Variants in USH2A observed in about 807,000 individuals in gnomAD.
USH2A encodes usherin, also known as Usher syndrome 2A (autosomal recessive, mild).
A neutral mutation model predicts 538.9 loss-of-function variants in USH2A; 443 were observed. The ratio of observed to expected loss-of-function variants is 0.82; its 90% CI spans 0.76 to 0.89. USH2A has a LOEUF of 0.89. Ranked by LOEUF, USH2A falls within the 40% of genes least tolerant of loss-of-function variation. The probability of loss-of-function intolerance (pLI) is 0.00; values close to 1 mark genes in which losing one functional copy is unlikely to be tolerated. For synonymous variants in USH2A, 2,413 were observed against 2,273.5 expected (o/e 1.06, Z -1.75); for missense variants, 6,633 against 6,324.8 (o/e 1.05, Z -1.65).
At chr1:215,735,552 C>A (rs375475805) in intron 60 of USH2A, among the ~76,000 whole-genome samples, 4 of 151,946 alleles carry the variant, frequency 2.6e-5, no homozygotes. Context: ...CTTTACTAGA[C>A]CATATGATGT....
chr1:216,210,822 A>G (rs985372475), intron 15 of USH2A, among the ~76,000 whole-genome samples: 1 of 152,048 alleles, frequency 6.6e-6, no homozygotes, highest in Non-Finnish European at 1.5e-5. Context: ...CTCTACTAAA[A>G]ATACAAAAAT....
chr1:215,965,516 A>G (rs202108003), intron 36 of USH2A, 37 bp from the exon 37 acceptor site: 56 of 1,609,774 alleles, frequency 3.5e-5, no homozygotes, highest in Non-Finnish European at 4.4e-5. Context: ...GTTTGCAAAT[A>G]AAATAAGTAC....
chr1:216,348,988 G>A (rs1030025025), intron 4 of USH2A, among the ~76,000 whole-genome samples: 1 of 152,150 alleles, frequency 6.6e-6, no homozygotes, highest in Non-Finnish European at 1.5e-5. Context: ...TTCATGGAAA[G>A]TCTTCTAATT....
At chr1:216,312,718 A>G (rs2037443889) in intron 9 of USH2A, among the ~76,000 whole-genome samples, 2 of 152,098 alleles carry the variant, frequency 1.3e-5, no homozygotes, top group Non-Finnish European at 2.9e-5. Context: ...TAGAGCCTTT[A>G]GTGTATTCAT....
chr1:215,999,548 T>C (rs1185388726), intron 33 of USH2A, among the ~76,000 whole-genome samples: 1 of 152,162 alleles, frequency 6.6e-6, no homozygotes, highest in African/African-American at 2.4e-5. Flanking sequence ...TAAGATTTTA[T>C]TCTTAACAGA....
At chr1:215,819,800 T>A (rs1438500352) in intron 47 of USH2A, among the ~76,000 whole-genome samples, 1 of 151,750 alleles carries the variant, frequency 6.6e-6, no homozygotes, top group African/African-American at 2.4e-5. Context: ...ATGAACAGTT[T>A]GCTTTTGAGG....
At chr1:215,666,523 C>G (rs1657609163) in intron 64 of USH2A, among the ~76,000 whole-genome samples, 2 of 152,174 alleles carry the variant, frequency 1.3e-5, no homozygotes, top group South Asian at 4.1e-4. Flanking sequence ...TCAACTCTGG[C>G]TGCACATGAG....
chr1:215,857,947 G>T (rs547717100), intron 44 of USH2A, among the ~76,000 whole-genome samples: 1 of 152,270 alleles, frequency 6.6e-6, no homozygotes, highest in East Asian at 1.9e-4. Context: ...GGTTGCTCTG[G>T]TGTCCCCTTG....
At chr1:216,409,438 A>T (rs542396553) in intron 3 of USH2A, among the ~76,000 whole-genome samples, 1 of 152,318 alleles carries the variant, frequency 6.6e-6, no homozygotes, top group African/African-American at 2.4e-5. Flanking sequence ...TCCTACACAA[A>T]AATAACAAAG....
chr1:215,918,335 A>G (rs932226284), intron 38 of USH2A, among the ~76,000 whole-genome samples: 15 of 152,074 alleles, frequency 9.9e-5, no homozygotes, highest in Non-Finnish European at 1.9e-4. Context: ...TAGGAGATGG[A>G]GCCTTGGGAG....
chr1:216,129,342 C>A (rs749516452), intron 21 of USH2A, among the ~76,000 whole-genome samples: 1 of 152,038 alleles, frequency 6.6e-6, no homozygotes, highest in African/African-American at 2.4e-5. Flanking sequence ...TTCTTCGTAG[C>A]GGCTATACTA....
intron 14 of USH2A, among the ~76,000 whole-genome samples, chr1:216,224,961 T>C (rs2035532235): frequency 1.3e-5 from 2 of 152,182 alleles, no homozygotes; most frequent in African/African-American, 4.8e-5. Context: ...TAAACATTTC[T>C]ATTTGTAATA....
intron 21 of USH2A, among the ~76,000 whole-genome samples, chr1:216,128,833 A>T (rs764979006): frequency 1.4e-4 from 21 of 152,086 alleles, no homozygotes; most frequent in Non-Finnish European, 2.1e-4. Context: ...GTTACCAAAC[A>T]TTAGATCCTA....
At chr1:215,795,033 CT>C (rs1226368965) in intron 50 of USH2A, among the ~76,000 whole-genome samples, 1 of 152,164 alleles carries the variant, frequency 6.6e-6, no homozygotes, top group Non-Finnish European at 1.5e-5. Context: ...GTTCTGACTT[CT>C]CTTTCCTTCT....
chr1:216,371,848 C>G (rs2102718981), intron 3 of USH2A, among the ~76,000 whole-genome samples: 1 of 152,316 alleles, frequency 6.6e-6, no homozygotes, highest in Non-Finnish European at 1.5e-5. Context: ...TGTTACAACT[C>G]TAAGCAATAA....
At chr1:216,097,562 T>C (rs12091834) in intron 21 of USH2A, among the ~76,000 whole-genome samples, 2,915 of 152,320 alleles carry the variant, frequency 0.019, 89 homozygotes, top group African/African-American at 0.067. Context: ...AATGGGTTTT[T>C]GACAAGAGTG....
chr1:216,114,359 G>A (rs942314552), intron 21 of USH2A, among the ~76,000 whole-genome samples: 2 of 151,796 alleles, frequency 1.3e-5, no homozygotes, highest in African/African-American at 4.8e-5. Context: ...TTACACATGG[G>A]TTATATCATC....
intron 30 of USH2A, among the ~76,000 whole-genome samples, chr1:216,067,485 G>A (rs1446661034): frequency 6.7e-6 from 1 of 149,164 alleles, no homozygotes; most frequent in Non-Finnish European, 1.5e-5. Context: ...ATACACTCAC[G>A]GCCAGGGAGA....
intron 44 of USH2A, among the ~76,000 whole-genome samples, chr1:215,862,571 A>G (rs113724438): frequency 2.6e-5 from 4 of 152,048 alleles, no homozygotes; most frequent in Non-Finnish European, 5.9e-5. Context: ...AATAATAATA[A>G]AAAAAATGCT....
Sources: allele counts gnomAD v4.1 joint callset (sites outside exome capture counted in the v4.1 genomes callset), GRCh38; gene constraint gnomAD v4.1.1; transcripts MANE v1.5; gene names NCBI Gene and HGNC (gene_info 2026-07-23, HGNC 2026-07-21).